Variants in DPYSL5 observed in about 807,000 individuals in gnomAD.
The protein encoded by DPYSL5 is dihydropyrimidinase-related protein 5.
DPYSL5 carries 9 observed loss-of-function variants against 58.4 expected under a neutral mutation model. The ratio of observed to expected loss-of-function variants is 0.15; its 90% CI spans 0.09 to 0.27. DPYSL5 has a LOEUF of 0.27. Among genes scored for constraint, DPYSL5 ranks in the 10% least tolerant of loss-of-function variants. The probability of loss-of-function intolerance (pLI) is 1.00; values close to 1 mark genes in which losing one functional copy is unlikely to be tolerated. For missense variants in DPYSL5, 499 were observed against 770.6 expected, an observed-to-expected ratio of 0.65 and a Z score of 4.17; for synonymous variants, 293 against 301.9, an observed-to-expected ratio of 0.97 and a Z score of 0.31.
intron 1 of DPYSL5, among the ~76,000 whole-genome samples, chr2:26,875,404 G>A (rs1663386177): frequency 1.3e-5 from 2 of 152,246 alleles, no homozygotes; most frequent in African/African-American, 4.8e-5. Flanking sequence ...TCAGAAGAGT[G>A]TGCCAACAGG....
chr2:26,936,945 TAAAAA>T (rs55795892), intron 8 of DPYSL5, among the ~76,000 whole-genome samples: 4 of 77,872 alleles, frequency 5.1e-5, no homozygotes, highest in African/African-American at 2.0e-4. Flanking sequence ...AGACTTCATT[TAAAAA>T]AAAAAAAAAA....
At chr2:26,864,632 C>T (rs910743803) in intron 1 of DPYSL5, among the ~76,000 whole-genome samples, 4 of 151,404 alleles carry the variant, frequency 2.6e-5, no homozygotes, top group African/African-American at 9.7e-5. Flanking sequence ...CCATCCTGGC[C>T]ATTAGGATGC....
chr2:26,863,654 A>C (rs1360306990), intron 1 of DPYSL5, among the ~76,000 whole-genome samples: 1 of 152,126 alleles, frequency 6.6e-6, no homozygotes, highest in Non-Finnish European at 1.5e-5. Flanking sequence ...CATAGTCTAA[A>C]TTTACCACAT....
At chr2:26,946,083 C>A (rs1665473171) in intron 12 of DPYSL5, among the ~76,000 whole-genome samples, 3 of 152,198 alleles carry the variant, frequency 2.0e-5, no homozygotes, top group South Asian at 2.1e-4. Context: ...CAGAAAGGGA[C>A]CCTGGCATGG....
intron 5 of DPYSL5, among the ~76,000 whole-genome samples, chr2:26,931,094 A>G (rs1664960283): frequency 6.9e-6 from 1 of 145,502 alleles, no homozygotes; most frequent in East Asian, 2.0e-4. Context: ...GGCCATGATC[A>G]TGCCACTGCA....
At chr2:26,864,273 A>G (rs1666088715) in intron 1 of DPYSL5, among the ~76,000 whole-genome samples, 1 of 152,154 alleles carries the variant, frequency 6.6e-6, no homozygotes. Flanking sequence ...CACACAGTTT[A>G]AATGTTTAGC....
intron 2 of DPYSL5, among the ~76,000 whole-genome samples, chr2:26,918,157 A>G (rs1572705664): frequency 6.6e-6 from 1 of 150,996 alleles, no homozygotes; most frequent in East Asian, 1.9e-4. Context: ...AAAAAAAAAA[A>G]AAAAAGCAAG....
intron 1 of DPYSL5, among the ~76,000 whole-genome samples, chr2:26,895,738 C>T (rs1378610681): frequency 2.0e-5 from 3 of 151,526 alleles, no homozygotes; most frequent in Non-Finnish European, 4.4e-5. Context: ...ACTACTCCAG[C>T]CACTGATAAC....
chr2:26,913,318 A>C (rs1664487051), intron 2 of DPYSL5, among the ~76,000 whole-genome samples: 1 of 152,096 alleles, frequency 6.6e-6, no homozygotes. Flanking sequence ...TCTGTCTCTG[A>C]ATTTGACTAC....
In DPYSL5 at chr2:26,933,182, C is replaced by T; in HGVS notation, c.715-76C>T. ...GGGGAGGCGCTGGTGCCAGGGCTGA[C>T]TTTGCCAGGGTTATTCTGATGCTTG... On this transcript the variant is annotated intron_variant, in intron 6 of 12. Coordinates refer to ENST00000288699, the MANE Select transcript of DPYSL5 (RefSeq NM_020134.4). The surrounding 1 kb of genome is among the most constrained non-coding windows in gnomAD (Gnocchi z 4.2). The T allele has an allele frequency of 1.4e-6, 2 of 1,422,256 alleles. No individual in the cohort carries two copies. Among genetic ancestry groups the T allele is most frequent in the South Asian group, 2.3e-5 (2 of 87,026 alleles). The allele number at this position is 1,422,256 out of a possible 1,614,324, so 88.1% of individuals were successfully genotyped here.
chr2:26,928,720 C>CACACACAAACACACAA (rs1664893299), intron 5 of DPYSL5, among the ~76,000 whole-genome samples: 1 of 63,484 alleles, frequency 1.6e-5, no homozygotes, highest in African/African-American at 5.5e-5. Flanking sequence ...CACACACATA[C>CACACACAAACACACAA]ATATATATAC....
intron 2 of DPYSL5, among the ~76,000 whole-genome samples, chr2:26,909,423 G>A (rs1414706601): frequency 2.0e-5 from 3 of 151,848 alleles, no homozygotes; most frequent in Non-Finnish European, 4.4e-5. Context: ...TTCCTGTTTA[G>A]ACTTAAACGA....
At chr2:26,903,481 A>T (rs941666914) in intron 2 of DPYSL5, among the ~76,000 whole-genome samples, 1 of 152,120 alleles carries the variant, frequency 6.6e-6, no homozygotes, top group Non-Finnish European at 1.5e-5. Flanking sequence ...TTTTTGAAAG[A>T]TCCAGTGTCC....
intron 1 of DPYSL5, among the ~76,000 whole-genome samples, chr2:26,864,628 T>TTA (rs1666096893): frequency 6.6e-6 from 1 of 152,186 alleles, no homozygotes; most frequent in South Asian, 2.1e-4. Context: ...TGAACCATCC[T>TTA]GGCCATTAGG....
rs7575002 is a variant in DPYSL5, at chr2:26,927,235, C to T, written c.421-18C>T. The T allele has an allele frequency of 7.3e-3, 11,776 of 1,608,624 alleles. 452 individuals are homozygous for T. The African/African-American group carries it at 0.11, about 14-fold the overall frequency. The stretch of plus-strand genomic sequence containing the variant: ...GTGTCTGCCCTCACGCAGCATTGCC[C>T]TTCTACTTGTTCTCCAGGTGAAAGC... On this transcript the variant is annotated intron_variant, in intron 3 of 12. Transcript: ENST00000288699. This position sits in a 1 kb window ranked among gnomAD's most constrained non-coding sequence, Gnocchi z 4.3.
rs1445001832 is a variant in DPYSL5, at chr2:26,849,560, G to C, written c.-5+1306G>C. Among the ~76,000 whole-genome samples the C allele has an allele frequency of 1.3e-5, 2 of 152,164 alleles. No homozygotes were observed. Among genetic ancestry groups the C allele is most frequent in the Non-Finnish European group, 2.9e-5 (2 of 68,028 alleles). ...GGTAGCGACTCGCTTAGGGTTTTGT[G>C]ATCTTCCGCGGCGCCCACGGCACGC... is the stretch of plus-strand genomic sequence containing the variant. On this transcript the variant is annotated intron_variant, in intron 1 of 12. Transcript: ENST00000288699. This position sits in a 1 kb window ranked among gnomAD's most constrained non-coding sequence, Gnocchi z 6.2.
chr2:26,849,864 C>T lies in DPYSL5; in HGVS notation c.-5+1610C>T, dbSNP rs1268276287. On this transcript the variant is annotated intron_variant, in intron 1 of 12. Coordinates refer to ENST00000288699, the MANE Select transcript of DPYSL5 (RefSeq NM_020134.4). This position sits in a 1 kb window ranked among gnomAD's most constrained non-coding sequence, Gnocchi z 6.2. ...CGGCCTGGGGGCCTGCAGACAGCCA[C>T]CCCCCCACTCCGGCTCGGGTGCCTT... Among the ~76,000 whole-genome samples, 1 of 152,098 alleles carries T rather than the reference C, an allele frequency of 6.6e-6. No individual in the cohort carries two copies. The highest frequency in any genetic ancestry group is 1.5e-5 in the Non-Finnish European group (1 of 68,010).
In DPYSL5 at chr2:26,912,002, C is replaced by T. The variant is rs144706101; in HGVS notation, c.262-12885C>T. ...TGAGGGGATCTGGGACCACAGACCC[C>T]GAGCTGGTGCGTGGCAGCACATGGT... On this transcript the variant is annotated intron_variant, in intron 2 of 12. Coordinates refer to ENST00000288699, the MANE Select transcript of DPYSL5 (RefSeq NM_020134.4). Among the ~76,000 whole-genome samples, 468 of 152,340 alleles carry T rather than the reference C, an allele frequency of 3.1e-3. 2 individuals are homozygous for T. Among genetic ancestry groups the T allele is most frequent in the African/African-American group, 8.6e-3 (359 of 41,574 alleles).
chr2:26,946,829 G>A (rs1665498488), intron 12 of DPYSL5, 81 bp from the exon 13 acceptor site: 1 of 1,090,006 alleles, frequency 9.2e-7, no homozygotes, highest in African/African-American at 1.5e-5. Flanking sequence ...CATGCACACA[G>A]TGAGCCTCCA....
Sources: allele counts gnomAD v4.1 joint callset (sites outside exome capture counted in the v4.1 genomes callset), GRCh38; gene constraint gnomAD v4.1.1; non-coding constraint Gnocchi (gnomAD v3.1); transcripts MANE v1.5; gene names NCBI Gene and HGNC (gene_info 2026-07-23, HGNC 2026-07-21).